The following SH3TC1 variants were observed in gnomAD, a reference collection of about 807,000 sequenced individuals.
The protein encoded by SH3TC1 is SH3 domain and tetratricopeptide repeat-containing protein 1.
SH3TC1 carries 135 observed loss-of-function variants against 117.3 expected under a neutral mutation model. The ratio of observed to expected loss-of-function variants is 1.15; its 90% CI spans 1.00 to 1.33. The LOEUF (loss-of-function observed/expected upper bound fraction) is 1.33, where lower values mean the gene tolerates loss of function less well. SH3TC1 is among the 40% of genes most tolerant of loss of function. The pLI is 0.00. For synonymous variants in SH3TC1, 898 were observed against 816.9 expected, an observed-to-expected ratio of 1.10 and a Z score of -1.69; for missense variants, 2,092 against 1,794.3, an observed-to-expected ratio of 1.17 and a Z score of -3.00.
chr4:8,212,837 C>A lies in SH3TC1; in HGVS notation c.375+9C>A, dbSNP rs368647715. The A allele has an allele frequency of 3.3e-5, 51 of 1,554,834 alleles. No individual in the cohort carries two copies. The highest frequency in any genetic ancestry group is 4.2e-5 in the Non-Finnish European group (48 of 1,148,840). The stretch of plus-strand genomic sequence containing the variant: ...TGGCCCGCGTGCTTGGGGTGAGTAG[C>A]CCTCTGGGGCCTGCTCAGGGATGGG... On this transcript the variant is annotated intron_variant, in intron 4 of 17. Coordinates refer to ENST00000245105, the MANE Select transcript of SH3TC1 (RefSeq NM_018986.5).
chr4:8,235,543 G>T lies in SH3TC1; in HGVS notation c.3393G>T (p.Val1131=), dbSNP rs1721731095. ...GGGCCTGGGAGCGGGAGAAAGCTGT[G>T]TCCTTCTACCGGGTGAGCTGGCCTG... ...FDGAWEREKA[V]SFYRDRALPL... Residue 1131 remains valine (V), a synonymous_variant, in exon 15 of 18, where the codon GTG becomes GTT. Transcript: ENST00000245105. 6.2e-7 allele frequency: 1 copy of T among 1,600,760 alleles called. No individual in the cohort carries two copies. The highest frequency in any genetic ancestry group is 1.7e-5 in the Admixed American group (1 of 57,900).
At chr4:8,233,208 C>A in intron 13 of SH3TC1, 155 bp from the exon 14 acceptor site, 2 of 1,414,264 alleles carry the variant, frequency 1.4e-6, no homozygotes, top group Non-Finnish European at 1.8e-6. Context: ...TTCAACCCCA[C>A]CCTCTCAGCA....
At chr4:8,223,580 C>T (rs875884) in intron 10 of SH3TC1, among the ~76,000 whole-genome samples, 42,264 of 151,866 alleles carry the variant, frequency 0.28, 7,175 homozygotes, top group Middle Eastern at 0.38. Context: ...ATGGCAGAGG[C>T]CGTGCTATCT....
Position 8,221,303 on chromosome 4 carries a change from C to T in SH3TC1, c.1113-1537C>T, listed in dbSNP as rs140273607. ...CCCTTCCTTTAACCCAGAAGGATGA[C>T]GGGGCTGGGTGCCATTAGTCCTGTT... is the stretch of plus-strand genomic sequence containing the variant. On this transcript the variant is annotated intron_variant, in intron 9 of 17. Transcript: ENST00000245105. Among the ~76,000 whole-genome samples, 330 of 152,348 alleles carry T rather than the reference C, an allele frequency of 2.2e-3. 2 individuals carry two copies. The highest frequency in any genetic ancestry group is 0.022 in the South Asian group (104 of 4,828).
Position 8,225,907 on chromosome 4 carries a change from C to G in SH3TC1, c.1285+691C>G, listed in dbSNP as rs368803486. On this transcript the variant is annotated intron_variant, in intron 11 of 17. Transcript: ENST00000245105. The surrounding 1 kb of genome is among the most constrained non-coding windows in gnomAD (Gnocchi z 5.5). ...GGGAGGGGGTGGATCCACCCTCTGC[C>G]GAAGTCCCTGGAGCAAATGCGAGTG... Among the ~76,000 whole-genome samples, 2 of 151,968 alleles carry G rather than the reference C, an allele frequency of 1.3e-5. No homozygotes were observed. The highest frequency in any genetic ancestry group is 2.9e-5 in the Non-Finnish European group (2 of 68,016).
intron 10 of SH3TC1, among the ~76,000 whole-genome samples, chr4:8,223,953 T>C (rs922353390): frequency 6.6e-6 from 1 of 152,178 alleles, no homozygotes; most frequent in Non-Finnish European, 1.5e-5. Flanking sequence ...CCTACTTGTA[T>C]ACCTATGTGC....
chr4:8,239,855 C>T (rs141762736), intron 17 of SH3TC1, among the ~76,000 whole-genome samples: 91 of 152,348 alleles, frequency 6.0e-4, no homozygotes, highest in African/African-American at 2.0e-3. Flanking sequence ...GCCATGCACC[C>T]GGCACAGAGT....
At chr4:8,221,424 G>A (rs1166376136) in intron 9 of SH3TC1, among the ~76,000 whole-genome samples, 1 of 151,828 alleles carries the variant, frequency 6.6e-6, no homozygotes, top group Non-Finnish European at 1.5e-5. Context: ...CTTTTATTTA[G>A]TGAACAACCT....
chr4:8,183,171 C>A lies in SH3TC1; in HGVS notation c.-57+961C>A, dbSNP rs960632959. Among the ~76,000 whole-genome samples, 1 of 152,190 alleles carries A rather than the reference C, an allele frequency of 6.6e-6. No individual in the cohort carries two copies. The highest frequency in any genetic ancestry group is 1.5e-5 in the Non-Finnish European group (1 of 68,024). On this transcript the variant is annotated intron_variant, in intron 1 of 16. Transcript: ENST00000508641. The surrounding 1 kb of genome is among the most constrained non-coding windows in gnomAD (Gnocchi z 5.4). ...TCTCCCGCTGGGGCTATAGAATGGT[C>A]TGGAGCCCTCTGTGGCAGCAGCAGC...
intron 4 of SH3TC1, chr4:8,213,115 C>T (rs549638928): frequency 1.5e-4 from 68 of 450,316 alleles, no homozygotes; most frequent in Admixed American, 1.2e-3. Flanking sequence ...CCTCCACCCA[C>T]AAGGACTGTC....
intron 7 of SH3TC1, among the ~76,000 whole-genome samples, chr4:8,218,006 C>T (rs1719464664): frequency 6.6e-6 from 1 of 152,126 alleles, no homozygotes; most frequent in Admixed American, 6.6e-5. Context: ...GGTTCCAGGC[C>T]CACAGGGGTG....
rs111672102 is a variant in SH3TC1, at chr4:8,233,758, T to TCCATCATC, written c.3282+246_3282+247insCATCATCC. ...ACCTGTTCATCCATCCATCCATCCATCATCCATCCATCCTTCCATTATCCA... is the reference window on the plus strand; with the variant it reads ...ACCTGTTCATCCATCCATCCATCCATCCATCATCCATCCATCCATCCTTCCATTATCCA... On this transcript the variant is annotated intron_variant, in intron 14 of 17. Transcript: ENST00000245105. Among the ~76,000 whole-genome samples the TCCATCATC allele has an allele frequency of 3.0e-4, 44 of 146,284 alleles. No individual in the cohort carries two copies. In the East Asian group the frequency reaches 7.4e-3, roughly 24 times the overall value.
At position 8,216,809 on chromosome 4, in the gene SH3TC1, G is replaced by A. The variant is rs191690307; in HGVS notation, c.629-148G>A. 4.7e-4 allele frequency: 347 copies of A among 745,776 alleles called. 4 individuals are homozygous for A. In the Admixed American group the frequency reaches 8.4e-3, roughly 18 times the overall value. The allele number at this position is 745,776 out of a possible 1,614,324, so 46.2% of individuals were successfully genotyped here. On this transcript the variant is annotated intron_variant, in intron 6 of 17. Transcript: ENST00000245105. ...GCCCTGGGCCCACCTCTCCTTCTGA[G>A]CCCCTTTGGGTCTCTGTGCCTGCAG...
intron 16 of SH3TC1, 132 bp downstream of exon 16, chr4:8,236,560 G>T: frequency 7.9e-7 from 1 of 1,268,574 alleles, no homozygotes; most frequent in Non-Finnish European, 1.0e-6. Flanking sequence ...CATCTGCCCA[G>T]CTGGCTCCCC....
At chr4:8,221,734 G>A (rs755756397) in intron 9 of SH3TC1, among the ~76,000 whole-genome samples, 2 of 152,168 alleles carry the variant, frequency 1.3e-5, no homozygotes, top group African/African-American at 2.4e-5. Flanking sequence ...GGAAATGAAC[G>A]CAGATACAAT....
intron 10 of SH3TC1, 50 bp downstream of exon 10, chr4:8,223,020 TCTGCAGCCCCTG>T: frequency 6.3e-7 from 1 of 1,583,076 alleles, no homozygotes; most frequent in Non-Finnish European, 8.6e-7. Flanking sequence ...CCCTTTCCCT[TCTGCAGCCCCTG>T]CTGCCCTCGT....
intron 1 of SH3TC1, among the ~76,000 whole-genome samples, chr4:8,202,970 G>A (rs2152977564): frequency 1.3e-5 from 2 of 152,346 alleles, no homozygotes. Flanking sequence ...GCTGGGGCCT[G>A]GGAGGCCAGT....
At chr4:8,197,464 C>A (rs961672860), upstream of SH3TC1, among the ~76,000 whole-genome samples, 9 of 152,228 alleles carry the variant, frequency 5.9e-5, no homozygotes, top group African/African-American at 2.2e-4. Flanking sequence ...GCTGGGGAGC[C>A]GTGTCCCCGC....
chr4:8,238,569 C>T (rs1464832573), intron 17 of SH3TC1, among the ~76,000 whole-genome samples: 1 of 152,166 alleles, frequency 6.6e-6, no homozygotes, highest in African/African-American at 2.4e-5. Flanking sequence ...TAAGACCCCG[C>T]CCCGTATCCC....
Sources: allele counts gnomAD v4.1 joint callset (sites outside exome capture counted in the v4.1 genomes callset), GRCh38; gene constraint gnomAD v4.1.1; non-coding constraint Gnocchi (gnomAD v3.1); transcripts MANE v1.5; gene names NCBI Gene and HGNC (gene_info 2026-07-23, HGNC 2026-07-21).